Variants in TRPM1 observed in about 807,000 individuals in gnomAD.
The protein encoded by TRPM1 is transient receptor potential cation channel subfamily M member 1.
A neutral mutation model predicts 149.4 loss-of-function variants in TRPM1; 113 were observed. The ratio of observed to expected loss-of-function variants is 0.76; its 90% CI spans 0.65 to 0.88. TRPM1 has a LOEUF of 0.88. Ranked by LOEUF, TRPM1 falls within the 40% of genes least tolerant of loss-of-function variation. TRPM1 has a pLI of 0.00. For missense variants in TRPM1, 1,976 were observed against 2,038.7 expected (o/e 0.97, Z 0.59); for synonymous variants, 741 against 759.5 (o/e 0.98, Z 0.40).
chr15:31,066,461 C>T lies in TRPM1; in HGVS notation c.619-214G>A, dbSNP rs567291222. ...ATAATGACAACCTAGCAATTGCACCCCTGGCATTTATCACAGAGAAATGAA... is the reference window on the plus strand; with the variant it reads ...ATAATGACAACCTAGCAATTGCACCTCTGGCATTTATCACAGAGAAATGAA... On this transcript the variant is annotated intron_variant, in intron 6 of 27. Transcript: ENST00000256552. Among the ~76,000 whole-genome samples, 3 of 152,224 alleles carry T rather than the reference C, an allele frequency of 2.0e-5. No individual in the cohort carries two copies. The East Asian group carries it at 5.8e-4, about 29-fold the overall frequency.
At chr15:31,083,627 TA>T (rs2034921513) in intron 1 of TRPM1, among the ~76,000 whole-genome samples, 1 of 152,078 alleles carries the variant, frequency 6.6e-6, no homozygotes, top group African/African-American at 2.4e-5. Context: ...CAGAAAGGAT[TA>T]AAAGCCACAA....
rs750279909 is a variant in TRPM1, at chr15:31,002,782, AAAT to A, written c.3915_3917del (p.Leu1305del). The A allele has an allele frequency of 1.4e-5, 23 of 1,614,116 alleles. No individual in the cohort carries two copies. The highest frequency in any genetic ancestry group is 5.0e-5 in the Admixed American group (3 of 60,002). ...GTGACGTGGAGAGAGATGTATCCTC[AAAT>A]AATAACTCTTCTCCGTTAAAATGAT... On this transcript the variant is annotated inframe_deletion, in exon 28 of 28. Coordinates refer to ENST00000256552, the MANE Select transcript of TRPM1 (RefSeq NM_001252024.2).
Position 31,068,744 on chromosome 15 carries a change from C to CAAA in TRPM1, c.280-655_280-653dup, listed in dbSNP as rs60411633. 1.7e-3 allele frequency among the ~76,000 whole-genome samples: 102 copies of CAAA among 60,174 alleles called. 4 individuals carry two copies. Among genetic ancestry groups the CAAA allele is most frequent in the African/African-American group, 3.6e-3 (56 of 15,478 alleles). The allele number at this position is 60,174 out of a possible 152,430, so 39.5% of individuals were successfully genotyped here. A position where few individuals can be genotyped will look rare whatever the true frequency, so the allele number is the denominator to read the frequency against. The stretch of plus-strand genomic sequence containing the variant: ...GGGCAACAAGATCGAAACTCCAACT[C>CAAA]AAAAAAAAAAAAAAAAAAAAAAAAA... On this transcript the variant is annotated intron_variant, in intron 4 of 27. Transcript: ENST00000256552.
intron 3 of TRPM1, among the ~76,000 whole-genome samples, chr15:31,071,837 G>A (rs1157312101): frequency 2.6e-5 from 4 of 151,234 alleles, no homozygotes; most frequent in Admixed American, 6.6e-5. Flanking sequence ...GGTGGCACAC[G>A]TCTGTAATTC....
At chr15:31,143,888 T>C (rs544399903) in intron 1 of TRPM1, among the ~76,000 whole-genome samples, 32 of 152,338 alleles carry the variant, frequency 2.1e-4, no homozygotes, top group Non-Finnish European at 3.7e-4. Context: ...ATTTTTATGG[T>C]AATATGGTTA....
At chr15:31,105,787 A>T (rs1260128167), upstream of TRPM1, among the ~76,000 whole-genome samples, 3 of 152,218 alleles carry the variant, frequency 2.0e-5, no homozygotes, top group Admixed American at 2.0e-4. Context: ...CTGTGTGGTT[A>T]TTCTACACAC....
intron 21 of TRPM1, 154 bp from the exon 22 acceptor site, chr15:31,033,094 G>A (rs548743384): frequency 1.4e-5 from 15 of 1,037,160 alleles, no homozygotes; most frequent in Non-Finnish European, 2.0e-5. Context: ...GGCAGGGAGA[G>A]ATATCTAGAA....
chr15:31,017,873 A>G (rs1216560056), intron 27 of TRPM1, among the ~76,000 whole-genome samples: 1 of 152,188 alleles, frequency 6.6e-6, no homozygotes, highest in South Asian at 2.1e-4. Context: ...TATGTATGGC[A>G]TAACTTTATT....
At chr15:31,029,186 A>G (rs1180186387) in intron 24 of TRPM1, among the ~76,000 whole-genome samples, 185 bp downstream of exon 24, 1 of 152,216 alleles carries the variant, frequency 6.6e-6, no homozygotes, top group East Asian at 1.9e-4. Context: ...CCCTAAAAAA[A>G]TAGGGTGATC....
chr15:31,072,531 GTA>G (rs1320906279), intron 3 of TRPM1, among the ~76,000 whole-genome samples: 1 of 152,026 alleles, frequency 6.6e-6, no homozygotes, highest in African/African-American at 2.4e-5. Context: ...TTTTTCTTGG[GTA>G]TACACTAGGC....
chr15:31,148,979 G>A (rs922926202), intron 1 of TRPM1, among the ~76,000 whole-genome samples: 1 of 152,220 alleles, frequency 6.6e-6, no homozygotes, highest in African/African-American at 2.4e-5. Context: ...CACGGCAAGA[G>A]TGCAACCCAC....
intron 25 of TRPM1, among the ~76,000 whole-genome samples, chr15:31,027,924 T>C (rs1278726095): frequency 2.0e-5 from 3 of 151,644 alleles, no homozygotes; most frequent in African/African-American, 7.3e-5. Flanking sequence ...ATTCTATAAA[T>C]GATCAGAAAA....
intron 20 of TRPM1, among the ~76,000 whole-genome samples, chr15:31,037,221 C>T (rs1567009210): frequency 6.6e-6 from 1 of 152,246 alleles, no homozygotes; most frequent in Admixed American, 6.5e-5. Context: ...GATGGCTTGC[C>T]AGCCAAGCGG....
chr15:31,132,303 C>T (rs778890261), intron 1 of TRPM1, among the ~76,000 whole-genome samples: 27 of 152,192 alleles, frequency 1.8e-4, no homozygotes, highest in Non-Finnish European at 3.8e-4. Context: ...GCCCGTTTCC[C>T]ACAGGCCCTG....
intron 11 of TRPM1, among the ~76,000 whole-genome samples, chr15:31,056,438 C>T (rs979196946): frequency 3.3e-5 from 5 of 152,134 alleles, no homozygotes; most frequent in Non-Finnish European, 2.9e-5. Flanking sequence ...TTTTCAAGCA[C>T]TGAAAAAGCA....
At chr15:31,088,874 GCC>G (rs56070223) in intron 1 of TRPM1, among the ~76,000 whole-genome samples, 30 of 151,456 alleles carry the variant, frequency 2.0e-4, no homozygotes, top group African/African-American at 6.1e-4. Flanking sequence ...TTGACATTTG[GCC>G]CCCCCGAGCG....
chr15:31,064,771 T>G (rs1438840077), intron 7 of TRPM1, among the ~76,000 whole-genome samples: 1 of 152,168 alleles, frequency 6.6e-6, no homozygotes, highest in African/African-American at 2.4e-5. Flanking sequence ...TTACATATGT[T>G]GAATAACTCT....
In TRPM1 at chr15:31,046,008, G is replaced by A. The variant is rs2033750549; in HGVS notation, c.1794+196C>T. On this transcript the variant is annotated intron_variant, in intron 16 of 27. Transcript: ENST00000256552. The stretch of plus-strand genomic sequence containing the variant: ...TCTTTGCTTTTGAAACTGTGGTTTT[G>A]TTAGTTCTAGAAATGGATTGTGCAG... 3.9e-5 allele frequency among the ~76,000 whole-genome samples: 6 copies of A among 152,232 alleles called. No homozygotes were observed. The East Asian group carries it at 1.2e-3, about 29-fold the overall frequency.
chr15:31,111,259 A>G (rs2035684707), intron 1 of TRPM1, among the ~76,000 whole-genome samples: 4 of 151,932 alleles, frequency 2.6e-5, no homozygotes, highest in South Asian at 4.2e-4. Context: ...TTAATCCGCA[A>G]CTCCACTAAC....
Sources: gnomAD v4.1 joint callset for allele counts (sites outside exome capture counted in the v4.1 genomes callset) on GRCh38, gnomAD v4.1.1 for gene constraint, MANE v1.5 for transcripts, NCBI Gene and HGNC (gene_info 2026-07-23, HGNC 2026-07-21) for gene names.